Variants in CLIC6 observed in about 807,000 individuals in gnomAD.
CLIC6 encodes the protein CLIC family member 6.
A neutral mutation model predicts 49.2 loss-of-function variants in CLIC6; 39 were observed. That is an observed-to-expected ratio of 0.79 (90% CI 0.61 to 1.04). The LOEUF (loss-of-function observed/expected upper bound fraction) is 1.04. CLIC6 is among the 50% of genes least tolerant of loss of function. The probability of loss-of-function intolerance (pLI) is 0.00; values close to 1 mark genes in which losing one functional copy is unlikely to be tolerated. For synonymous variants in CLIC6, 446 were observed against 433.4 expected (o/e 1.03, Z -0.36); for missense variants, 988 against 993.1 (o/e 0.99, Z 0.07).
intron 5 of CLIC6, among the ~76,000 whole-genome samples, chr21:34,714,143 G>A (rs1390676028): frequency 1.3e-5 from 2 of 152,116 alleles, no homozygotes; most frequent in African/African-American, 2.4e-5. Flanking sequence ...CATAATCAAA[G>A]TAAGAATCCA....
intron 1 of CLIC6, among the ~76,000 whole-genome samples, chr21:34,694,806 C>CTCCATGGCA (rs1295916490): frequency 3.3e-5 from 5 of 152,234 alleles, no homozygotes; most frequent in African/African-American, 4.8e-5. Flanking sequence ...CTCACTTTTT[C>CTCCATGGCA]TCCATGGCAT....
At chr21:34,709,677 G>A (rs2056042518) in intron 5 of CLIC6, 139 bp downstream of exon 5, 2 of 755,502 alleles carry the variant, frequency 2.6e-6, no homozygotes, top group Non-Finnish European at 4.1e-6. Flanking sequence ...TCTGTTCGGG[G>A]CAGCCAAGCC....
intron 5 of CLIC6, 86 bp from the exon 6 acceptor site, chr21:34,716,235 G>A: frequency 9.0e-7 from 1 of 1,109,370 alleles, no homozygotes; most frequent in Non-Finnish European, 1.3e-6. Flanking sequence ...AGAATGTATT[G>A]CATGCCTCAG....
chr21:34,694,216 T>C (rs1167464439), intron 1 of CLIC6, among the ~76,000 whole-genome samples: 1 of 144,348 alleles, frequency 6.9e-6, no homozygotes, highest in Non-Finnish European at 1.5e-5. Context: ...CATTACCTCA[T>C]GATCCTCCTG....
intron 5 of CLIC6, among the ~76,000 whole-genome samples, 163 bp downstream of exon 5, chr21:34,709,701 A>G (rs973730196): frequency 1.3e-5 from 2 of 152,242 alleles, no homozygotes; most frequent in African/African-American, 2.4e-5. Context: ...GCTTTCACAC[A>G]CACAGAAGAT....
At chr21:34,681,273 C>T (rs1317499238) in intron 1 of CLIC6, among the ~76,000 whole-genome samples, 1 of 152,218 alleles carries the variant, frequency 6.6e-6, no homozygotes, top group East Asian at 1.9e-4. Context: ...TAAGAACTCA[C>T]TCACTATCAC....
At chr21:34,692,706 T>G (rs1990018732) in intron 1 of CLIC6, among the ~76,000 whole-genome samples, 1 of 152,216 alleles carries the variant, frequency 6.6e-6, no homozygotes, top group African/African-American at 2.4e-5. Flanking sequence ...GGACTGGACT[T>G]TTTTCATTGT....
At chr21:34,688,854 AT>A (rs1410137938) in intron 1 of CLIC6, among the ~76,000 whole-genome samples, 1 of 152,198 alleles carries the variant, frequency 6.6e-6, no homozygotes, top group Non-Finnish European at 1.5e-5. Flanking sequence ...GATGGCCGCA[AT>A]GTCAAAATTT....
intron 1 of CLIC6, among the ~76,000 whole-genome samples, chr21:34,706,284 A>C (rs966867756): frequency 6.6e-6 from 1 of 152,140 alleles, no homozygotes; most frequent in African/African-American, 2.4e-5. Flanking sequence ...CAACAGCTCA[A>C]TCTTGTCAAT....
chr21:34,692,802 C>T (rs982357863), intron 1 of CLIC6, among the ~76,000 whole-genome samples: 3 of 152,154 alleles, frequency 2.0e-5, no homozygotes, highest in African/African-American at 7.2e-5. Context: ...CCTCCCCGGA[C>T]CCCCACCTCC....
rs2145792803 is a variant in CLIC6, at chr21:34,669,944, G to A, written c.556G>A (p.Val186Met). 2 of 1,383,808 alleles carry A rather than the reference G, an allele frequency of 1.4e-6. No individual in the cohort carries two copies. Among genetic ancestry groups the A allele is most frequent in the Middle Eastern group, 2.7e-4 (1 of 3,710 alleles). 85.7% of individuals were successfully genotyped at this position (1,383,808 alleles called of 1,614,324 possible). Reference sequence around the variant, plus strand: ...CGACAGCGTAGAGGCGGAGGGCCGGGTGGGGGACAGCGTAGACGCGGAAGG... The same window carrying A: ...CGACAGCGTAGAGGCGGAGGGCCGGATGGGGGACAGCGTAGACGCGGAAGG... ...AGDSVEAEGRVGDSVDAEGPA... is the reference protein window; with the variant it reads ...AGDSVEAEGRMGDSVDAEGPA... The change falls in exon 1 of 6, where the codon GTG (valine) becomes ATG (methionine). Residue 186 changes from valine to methionine, a missense_variant. Transcript: ENST00000349499.
At chr21:34,703,124 C>A (rs1444886138) in intron 1 of CLIC6, among the ~76,000 whole-genome samples, 4 of 152,206 alleles carry the variant, frequency 2.6e-5, no homozygotes, top group African/African-American at 4.8e-5. Flanking sequence ...GGACTGGCAT[C>A]CTTCCCTGCA....
At position 34,669,750 on chromosome 21, in the gene CLIC6, C is replaced by T. The variant is rs1273767353; in HGVS notation, c.362C>T (p.Pro121Leu). The T allele has an allele frequency of 4.3e-6, 6 of 1,392,334 alleles. No homozygotes were observed. Among genetic ancestry groups the T allele is most frequent in the Non-Finnish European group, 5.5e-6 (6 of 1,083,940 alleles). The allele number at this position is 1,392,334 out of a possible 1,614,324, so 86.2% of individuals were successfully genotyped here. A position where few individuals can be genotyped will look rare whatever the true frequency, so the allele number is the denominator to read the frequency against. ...ASPGRGAQGEPRGEAQREPED... is the reference protein window; with the variant it reads ...ASPGRGAQGELRGEAQREPED... ...CCGGGACGCGGCGCGCAGGGCGAGC[C>T]CCGCGGGGAGGCTCAGAGGGAGCCC... The change falls in exon 1 of 6, where the codon CCC (proline) becomes CTC (leucine). Residue 121 changes from proline (P) to leucine (L), a missense_variant. This residue lies in a region of CLIC6 where 284 missense variants were observed against 278.6 expected (regional missense o/e 1.02). Coordinates refer to ENST00000349499, the MANE Select transcript of CLIC6 (RefSeq NM_053277.3).
chr21:34,699,507 G>A (rs1990148934), intron 1 of CLIC6, among the ~76,000 whole-genome samples: 1 of 149,358 alleles, frequency 6.7e-6, no homozygotes, highest in African/African-American at 2.5e-5. Context: ...CAAGCAATCT[G>A]CCCACCTCGG....
At chr21:34,707,807 C>T (rs1481760152) in intron 2 of CLIC6, 137 bp from the exon 3 acceptor site, 2 of 866,184 alleles carry the variant, frequency 2.3e-6, no homozygotes, top group South Asian at 1.8e-5. Flanking sequence ...GCCAGCAAGA[C>T]ATTTTCATAA....
intron 1 of CLIC6, among the ~76,000 whole-genome samples, chr21:34,703,138 G>A (rs924788144): frequency 3.3e-5 from 5 of 152,072 alleles, no homozygotes; most frequent in African/African-American, 1.2e-4. Context: ...CCCTGCACAC[G>A]GATGCATTTC....
chr21:34,703,831 G>A (rs2055995885), intron 1 of CLIC6, among the ~76,000 whole-genome samples: 1 of 152,176 alleles, frequency 6.6e-6, no homozygotes, highest in East Asian at 1.9e-4. Context: ...TTTTCGGAAT[G>A]TGGTGTCAGA....
intron 1 of CLIC6, among the ~76,000 whole-genome samples, chr21:34,671,329 T>C (rs1252356259): frequency 6.6e-6 from 1 of 152,070 alleles, no homozygotes; most frequent in Non-Finnish European, 1.5e-5. Context: ...TCCATTTTGG[T>C]AGAATCAACA....
Position 34,669,404 on chromosome 21 carries a change from G to A in CLIC6, c.16G>A (p.Glu6Lys). ...ATCTGCGGCCATGGCCGAGGCCGCG[G>A]AGCCGGAGGGGGTTGCCCCGGGTCC... MAEAAEPEGVAPGPQG... is the reference protein window; with the variant it reads MAEAAKPEGVAPGPQG... The change falls in exon 1 of 6, where the codon GAG (glutamate) becomes AAG (lysine). Residue 6 changes from glutamate (E) to lysine (K), a missense_variant. Physicochemically the swap from Glu to Lys is moderately conservative, Grantham distance 56. Around this residue, in one of 3 missense-constraint regions of CLIC6, gnomAD observed 284 missense variants for 278.6 expected, o/e 1.02. Transcript: ENST00000349499. 8.1e-7 allele frequency: 1 copy of A among 1,236,882 alleles called. No homozygotes were observed. Among genetic ancestry groups the A allele is most frequent in the Non-Finnish European group, 1.0e-6 (1 of 990,746 alleles). 76.6% of individuals were successfully genotyped at this position (1,236,882 alleles called of 1,614,324 possible). A position where few individuals can be genotyped will look rare whatever the true frequency, so the allele number is the denominator to read the frequency against.
Sources: gnomAD v4.1 joint callset for allele counts (sites outside exome capture counted in the v4.1 genomes callset) on GRCh38, gnomAD v4.1.1 for gene constraint, gnomAD v4.1.1 regional missense constraint, MANE v1.5 for transcripts, NCBI Gene and HGNC (gene_info 2026-07-23, HGNC 2026-07-21) for gene names.